EYS: variants seen among roughly 807,000 people sequenced by gnomAD.
EYS encodes the protein EGF-like photoreceptor maintenance factor, also known as protein eyes shut homolog.
A neutral mutation model predicts 282.1 loss-of-function variants in EYS; 250 were observed. The ratio of observed to expected loss-of-function variants is 0.89; its 90% CI spans 0.80 to 0.98. EYS has a LOEUF of 0.98. EYS is among the 50% of genes least tolerant of loss of function. The probability of loss-of-function intolerance (pLI) is 0.00; values close to 1 mark genes in which losing one functional copy is unlikely to be tolerated. For missense variants in EYS, 4,016 were observed against 3,709.0 expected (o/e 1.08, Z -2.15); for synonymous variants, 1,355 against 1,282.9 (o/e 1.06, Z -1.20).
chr6:64,181,236 A>G (rs1764779358), intron 31 of EYS, among the ~76,000 whole-genome samples: 1 of 152,182 alleles, frequency 6.6e-6, no homozygotes, highest in Non-Finnish European at 1.5e-5. Flanking sequence ...TCCACTGGAC[A>G]TTAAAGATTT....
chr6:65,492,614 C>T (rs1484072714), intron 4 of EYS, among the ~76,000 whole-genome samples: 1 of 152,160 alleles, frequency 6.6e-6, no homozygotes, highest in Non-Finnish European at 1.5e-5. Flanking sequence ...TTATCATTCA[C>T]TCCAAATCAG....
intron 26 of EYS, among the ~76,000 whole-genome samples, chr6:64,547,673 C>T (rs1764924068): frequency 1.3e-5 from 2 of 152,216 alleles, no homozygotes; most frequent in Admixed American, 1.3e-4. Context: ...CCAGTGGATC[C>T]CATACTGGGG....
At chr6:63,948,289 A>T (rs952651255) in intron 35 of EYS, among the ~76,000 whole-genome samples, 2 of 152,168 alleles carry the variant, frequency 1.3e-5, no homozygotes, top group Non-Finnish European at 2.9e-5. Flanking sequence ...CTCTTCTCCC[A>T]CAAGATGAAT....
At chr6:65,509,500 T>C (rs187408395) in intron 2 of EYS, among the ~76,000 whole-genome samples, 2 of 152,316 alleles carry the variant, frequency 1.3e-5, no homozygotes, top group African/African-American at 4.8e-5. Context: ...GTTTGCCACC[T>C]TCATATCTTC....
intron 23 of EYS, among the ~76,000 whole-genome samples, chr6:64,622,897 A>G (rs1327835710): frequency 6.6e-6 from 1 of 152,200 alleles, no homozygotes; most frequent in East Asian, 1.9e-4. Context: ...TGTAAATGAA[A>G]TGAATCAGTC....
At chr6:65,015,761 G>A (rs1320914237) in intron 13 of EYS, among the ~76,000 whole-genome samples, 2 of 150,646 alleles carry the variant, frequency 1.3e-5, no homozygotes, top group Non-Finnish European at 2.9e-5. Context: ...ACCACCGGGT[G>A]CAGTGGCTCA....
chr6:65,389,346 G>C (rs1765921636), intron 7 of EYS, among the ~76,000 whole-genome samples: 1 of 152,124 alleles, frequency 6.6e-6, no homozygotes, highest in Non-Finnish European at 1.5e-5. Context: ...TGCATGGATA[G>C]GGCCTGAATA....
rs58326040 is a variant in EYS at position 65,506,460 on chromosome 6, C to CTTT, written c.-332-10470_-332-10468dup. Among the ~76,000 whole-genome samples, 18 of 64,894 alleles carry CTTT rather than the reference C, an allele frequency of 2.8e-4. 2 individuals carry two copies. Among genetic ancestry groups the CTTT allele is most frequent in the Admixed American group, 4.8e-4 (2 of 4,204 alleles). 42.6% of individuals were successfully genotyped at this position (64,894 alleles called of 152,430 possible). On this transcript the variant is annotated intron_variant, in intron 2 of 42. Transcript: ENST00000503581. Reference sequence around the variant, plus strand: ...GGTTTACAATATCCTTCCTTCCTTTCTTTTTTTTTTTTTTTTTTTTTTTTT... The same window carrying CTTT: ...GGTTTACAATATCCTTCCTTCCTTTCTTTTTTTTTTTTTTTTTTTTTTTTTTTT...
intron 31 of EYS, among the ~76,000 whole-genome samples, chr6:64,196,010 T>C (rs1055942408): frequency 1.3e-5 from 2 of 152,106 alleles, no homozygotes; most frequent in Non-Finnish European, 2.9e-5. Flanking sequence ...AAAGGGCTAA[T>C]ATCCAGAATC....
At chr6:65,322,593 G>A (rs1769504328) in intron 11 of EYS, among the ~76,000 whole-genome samples, 2 of 151,852 alleles carry the variant, frequency 1.3e-5, no homozygotes, top group African/African-American at 4.8e-5. Flanking sequence ...TCAAGAGATC[G>A]AGACCATCCT....
chr6:65,075,018 A>C (rs773772048), intron 12 of EYS, among the ~76,000 whole-genome samples: 1 of 152,226 alleles, frequency 6.6e-6, no homozygotes, highest in Middle Eastern at 3.4e-3. Flanking sequence ...CATTGTGTAT[A>C]ATACTGAAAA....
chr6:65,050,869 C>A (rs1303901294), intron 13 of EYS, among the ~76,000 whole-genome samples: 2 of 151,654 alleles, frequency 1.3e-5, no homozygotes, highest in African/African-American at 4.8e-5. Flanking sequence ...CAGAAAACAG[C>A]ATTATTACTC....
chr6:65,117,011 T>C (rs1321928), intron 12 of EYS, among the ~76,000 whole-genome samples: 39,696 of 151,906 alleles, frequency 0.26, 6,336 homozygotes, highest in African/African-American at 0.44. Flanking sequence ...TTTTCTTTTG[T>C]CTTGAAGTTG....
intron 22 of EYS, among the ~76,000 whole-genome samples, chr6:64,686,742 A>T (rs1185182907): frequency 5.9e-5 from 2 of 33,712 alleles, no homozygotes; most frequent in Non-Finnish European, 8.6e-5. Context: ...ATTCCATCTA[A>T]ATATATATAT....
intron 26 of EYS, among the ~76,000 whole-genome samples, chr6:64,569,081 C>T (rs1451029955): frequency 6.8e-6 from 1 of 148,094 alleles, no homozygotes; most frequent in South Asian, 2.2e-4. Context: ...AACCAGAACT[C>T]CTGTTCTCCA....
rs114745118 is a variant in EYS at position 64,964,641 on chromosome 6, C to T, written c.2260-18727G>A. Among the ~76,000 whole-genome samples the T allele has an allele frequency of 4.1e-3, 621 of 152,178 alleles. 5 individuals carry two copies. Among genetic ancestry groups the T allele is most frequent in the Middle Eastern group, 0.024 (7 of 294 alleles). ...ATGAGCTATATTCTTTGCTCTTTAG[C>T]GGATGCAAAATAACATAAAATATGT... On this transcript the variant is annotated intron_variant, in intron 14 of 42. Transcript: ENST00000503581.
At chr6:65,471,676 A>G (rs921771621) in intron 5 of EYS, among the ~76,000 whole-genome samples, 4 of 152,160 alleles carry the variant, frequency 2.6e-5, no homozygotes, top group African/African-American at 7.2e-5. Context: ...TGTAAAATAA[A>G]TGATATGGAA....
intron 22 of EYS, among the ~76,000 whole-genome samples, chr6:64,798,511 C>G (rs976459293): frequency 1.3e-5 from 2 of 151,374 alleles, no homozygotes; most frequent in African/African-American, 4.8e-5. Flanking sequence ...GCCATGTTAT[C>G]CATGTAGTTC....
chr6:64,208,773 T>C (rs1181904565), intron 31 of EYS, among the ~76,000 whole-genome samples: 1 of 152,108 alleles, frequency 6.6e-6, no homozygotes, highest in African/African-American at 2.4e-5. Flanking sequence ...TTTGTGACCA[T>C]AATTATGAGG....
Sources: allele counts gnomAD v4.1 joint callset (sites outside exome capture counted in the v4.1 genomes callset), GRCh38; gene constraint gnomAD v4.1.1; transcripts MANE v1.5; gene names NCBI Gene and HGNC (gene_info 2026-07-23, HGNC 2026-07-21).